DLGAP2: variants seen among roughly 807,000 people sequenced by gnomAD.
The protein encoded by DLGAP2 is DLG associated protein 2.
A neutral mutation model predicts 100.3 loss-of-function variants in DLGAP2; 26 were observed. That is an observed-to-expected ratio of 0.26 (90% CI 0.19 to 0.36). The LOEUF is 0.36. Among genes scored for constraint, DLGAP2 ranks in the 10% least tolerant of loss-of-function variants. DLGAP2 has a pLI of 1.00. For missense variants in DLGAP2, 1,858 were observed against 1,453.2 expected, an observed-to-expected ratio of 1.28 and a Z score of -4.53; for synonymous variants, 886 against 630.1, an observed-to-expected ratio of 1.41 and a Z score of -6.08.
At chr8:1,166,330 T>C (rs1427264133) in intron 2 of DLGAP2, among the ~76,000 whole-genome samples, 1 of 152,202 alleles carries the variant, frequency 6.6e-6, no homozygotes, top group East Asian at 1.9e-4. Context: ...CCTATAATTA[T>C]CCTCTTCATT....
At chr8:1,304,850 G>A (rs1193083620) in intron 3 of DLGAP2, among the ~76,000 whole-genome samples, 1 of 152,228 alleles carries the variant, frequency 6.6e-6, no homozygotes, top group African/African-American at 2.4e-5. Flanking sequence ...ATACTGCACA[G>A]GATAAGCTGA....
chr8:1,066,998 CT>C (rs1388039911), intron 2 of DLGAP2, among the ~76,000 whole-genome samples: 1 of 152,192 alleles, frequency 6.6e-6, no homozygotes, highest in Non-Finnish European at 1.5e-5. Context: ...CTGGGCCCCC[CT>C]GATGCCCGAC....
At chr8:889,603 C>G (rs1035493305) in intron 1 of DLGAP2, among the ~76,000 whole-genome samples, 2 of 152,232 alleles carry the variant, frequency 1.3e-5, no homozygotes, top group Non-Finnish European at 2.9e-5. Context: ...GCTGTGCAGA[C>G]AAGTCTTGGG....
chr8:818,820 A>T (rs897925821), intron 1 of DLGAP2, among the ~76,000 whole-genome samples: 5 of 152,216 alleles, frequency 3.3e-5, no homozygotes, highest in African/African-American at 9.6e-5. Context: ...ATCTGTAGAA[A>T]TTTTTGCTGA....
intron 1 of DLGAP2, among the ~76,000 whole-genome samples, chr8:765,127 G>A (rs560345955): frequency 6.6e-6 from 1 of 152,150 alleles, no homozygotes; most frequent in Non-Finnish European, 1.5e-5. Context: ...TGGGGTGCCC[G>A]TCTCCACGCC....
chr8:799,974 G>A (rs1347791259), intron 1 of DLGAP2, among the ~76,000 whole-genome samples: 1 of 152,178 alleles, frequency 6.6e-6, no homozygotes, highest in Non-Finnish European at 1.5e-5. Flanking sequence ...CGCATTTCTA[G>A]TGCTTTAATG....
At chr8:1,620,346 C>G (rs920657355) in intron 6 of DLGAP2, 1 of 152,256 alleles carries the variant, frequency 6.6e-6, no homozygotes, top group Admixed American at 6.5e-5. Context: ...CACTTTCCTC[C>G]TGGATTCCCT....
intron 3 of DLGAP2, among the ~76,000 whole-genome samples, chr8:1,467,688 C>T (rs941113980): frequency 1.1e-4 from 16 of 152,188 alleles, no homozygotes; most frequent in African/African-American, 3.6e-4. Flanking sequence ...ACCACGGCAA[C>T]GTCCCATCAC....
chr8:1,517,885 G>A (rs867599966), intron 4 of DLGAP2, among the ~76,000 whole-genome samples: 1 of 152,204 alleles, frequency 6.6e-6, no homozygotes, highest in South Asian at 2.1e-4. Flanking sequence ...CAGAGACTGG[G>A]GAGCCTTGCA....
intron 4 of DLGAP2, among the ~76,000 whole-genome samples, chr8:1,518,794 G>A (rs1219099664): frequency 6.6e-6 from 1 of 152,130 alleles, no homozygotes; most frequent in Non-Finnish European, 1.5e-5. Context: ...TTAGATATTT[G>A]CATTCTAGTC....
chr8:840,047 C>T (rs1268952871), intron 1 of DLGAP2, among the ~76,000 whole-genome samples: 6 of 75,616 alleles, frequency 7.9e-5, no homozygotes, highest in Admixed American at 1.4e-4. Context: ...ACACGGTGCA[C>T]GCCTGCACGT....
intron 2 of DLGAP2, among the ~76,000 whole-genome samples, chr8:1,093,423 C>T (rs577313443): frequency 1.4e-5 from 2 of 145,854 alleles, no homozygotes; most frequent in East Asian, 2.0e-4. Context: ...CCAGAAACAC[C>T]TTCACACCGA....
chr8:1,055,521 A>T (rs981574649), intron 2 of DLGAP2, among the ~76,000 whole-genome samples: 1 of 152,234 alleles, frequency 6.6e-6, no homozygotes, highest in Non-Finnish European at 1.5e-5. Flanking sequence ...GTTATCACTT[A>T]TAAGAGATTT....
intron 12 of DLGAP2, 81 bp downstream of exon 12, chr8:1,678,710 A>T (rs1793607678): frequency 7.3e-7 from 1 of 1,366,746 alleles, no homozygotes; most frequent in African/African-American, 1.5e-5. Flanking sequence ...ATTAGTGGAG[A>T]AAAGTTCCTC....
intron 3 of DLGAP2, among the ~76,000 whole-genome samples, chr8:1,374,227 G>A (rs1383619931): frequency 6.6e-6 from 1 of 151,970 alleles, no homozygotes; most frequent in Non-Finnish European, 1.5e-5. Flanking sequence ...GTGGAGGGTA[G>A]GTCACGTTTG....
intron 2 of DLGAP2, among the ~76,000 whole-genome samples, chr8:1,080,468 G>A (rs940613185): frequency 3.9e-5 from 6 of 152,224 alleles, no homozygotes; most frequent in African/African-American, 7.2e-5. Context: ...GAAGTGGGGC[G>A]GGAAAGCTGC....
At chr8:1,671,664 A>G (rs1798693961) in intron 10 of DLGAP2, among the ~76,000 whole-genome samples, 1 of 152,206 alleles carries the variant, frequency 6.6e-6, no homozygotes, top group Admixed American at 6.5e-5. Context: ...CTAATGAGTG[A>G]GGGTCCTCAG....
chr8:961,498 A>G (rs911093941), intron 2 of DLGAP2, among the ~76,000 whole-genome samples: 2 of 152,208 alleles, frequency 1.3e-5, no homozygotes, highest in African/African-American at 4.8e-5. Context: ...GCCAAAATGT[A>G]GACACCAGTT....
At chr8:888,888 C>T (rs941384802) in intron 1 of DLGAP2, among the ~76,000 whole-genome samples, 2 of 152,038 alleles carry the variant, frequency 1.3e-5, no homozygotes, top group Non-Finnish European at 2.9e-5. Flanking sequence ...CATGCTTGTC[C>T]GTGTGAAGAG....
Sources: gnomAD v4.1 joint callset for allele counts (sites outside exome capture counted in the v4.1 genomes callset) on GRCh38, gnomAD v4.1.1 for gene constraint, MANE v1.5 for transcripts, NCBI Gene and HGNC (gene_info 2026-07-23, HGNC 2026-07-21) for gene names.